HS1BP3: variants seen among roughly 807,000 people sequenced by gnomAD.
The protein encoded by HS1BP3 is HCLS1-binding protein 3.
A neutral mutation model predicts 33.5 loss-of-function variants in HS1BP3; 32 were observed. The observed-to-expected ratio is 0.95, with a 90% CI of 0.72 to 1.28. HS1BP3 has a LOEUF of 1.28. HS1BP3 is among the 50% of genes most tolerant of loss of function. HS1BP3 has a pLI of 0.00. For missense variants in HS1BP3, 486 were observed against 502.3 expected (o/e 0.97, Z 0.31); for synonymous variants, 187 against 209.2 (o/e 0.89, Z 0.92).
intron 6 of HS1BP3, among the ~76,000 whole-genome samples, chr2:20,620,045 C>T (rs1242755965): frequency 6.6e-6 from 1 of 152,216 alleles, no homozygotes; most frequent in Non-Finnish European, 1.5e-5. Flanking sequence ...AGGACCATCC[C>T]TGGGTACTGA....
Position 20,651,035 on chromosome 2 carries a change from G to A in HS1BP3, c.29C>T (p.Ser10Phe). 8.1e-7 allele frequency: 1 copy of A among 1,240,626 alleles called. No individual in the cohort carries two copies. Among genetic ancestry groups the A allele is most frequent in the Non-Finnish European group, 1.0e-6 (1 of 993,108 alleles). The allele number at this position is 1,240,626 out of a possible 1,614,324, so 76.9% of individuals were successfully genotyped here. A position where few individuals can be genotyped will look rare whatever the true frequency, so the allele number is the denominator to read the frequency against. ...GGGGCGCGGGGGTCTGGCTCACCTG[G>A]AGGTGACGAGCACCGCCGGGGACTG... MQSPAVLVT[S>F]RRLQNAHTGL... Residue 10 changes from serine (S) to phenylalanine (F), a missense_variant, in exon 1 of 7, where the codon TCC becomes TTC. Transcript: ENST00000304031.
At chr2:20,568,413 G>C (rs956057470) in intron 5 of HS1BP3, among the ~76,000 whole-genome samples, 13 of 152,170 alleles carry the variant, frequency 8.5e-5, no homozygotes, top group Non-Finnish European at 1.8e-4. Context: ...GAGCCGGGCG[G>C]GTAATGGAGG....
intron 2 of HS1BP3, among the ~76,000 whole-genome samples, chr2:20,602,832 C>T (rs1694100014): frequency 6.6e-6 from 1 of 152,278 alleles, no homozygotes; most frequent in South Asian, 2.1e-4. Flanking sequence ...AATTATATAT[C>T]TGATAAGGTT....
Position 20,638,459 on chromosome 2 carries a change from C to G in HS1BP3, c.600G>C (p.Ala200=). The G allele has an allele frequency of 6.2e-7, 1 of 1,614,202 alleles. No individual in the cohort carries two copies. Among genetic ancestry groups the G allele is most frequent in the Non-Finnish European group, 8.5e-7 (1 of 1,180,018 alleles). The change falls in exon 4 of 7, where the codon GCG becomes GCC. Residue 200 remains alanine, a synonymous_variant. Coordinates refer to ENST00000304031, the MANE Select transcript of HS1BP3 (RefSeq NM_022460.4). The part of the protein sequence containing the change: ...DAEESLEEEE[A]LDPLGIMRSK... ...ACCGCATAATGCCCAGAGGGTCCAG[C>G]GCCTCCTCCTCCTCCAAGGATTCCT... is the stretch of plus-strand genomic sequence containing the variant.
At chr2:20,629,774 G>T (rs4666447) in intron 4 of HS1BP3, among the ~76,000 whole-genome samples, 48,117 of 152,146 alleles carry the variant, frequency 0.32, 8,026 homozygotes, top group East Asian at 0.6. Flanking sequence ...AGACAGACGC[G>T]CAGACCAGGC....
At chr2:20,648,742 C>T (rs1378987038) in intron 1 of HS1BP3, among the ~76,000 whole-genome samples, 1 of 152,234 alleles carries the variant, frequency 6.6e-6, no homozygotes, top group Non-Finnish European at 1.5e-5. Flanking sequence ...CACAGCCAGC[C>T]TCCTTCCAGC....
chr2:20,587,747 A>G (rs941201725), downstream of HS1BP3, among the ~76,000 whole-genome samples: 8 of 152,150 alleles, frequency 5.3e-5, no homozygotes, highest in Non-Finnish European at 7.4e-5. Flanking sequence ...CTCTGTCTCA[A>G]AAAAATAAAA....
chr2:20,599,735 T>C (rs1483929190), intron 2 of HS1BP3, among the ~76,000 whole-genome samples: 1 of 151,982 alleles, frequency 6.6e-6, no homozygotes, highest in African/African-American at 2.4e-5. Flanking sequence ...AACATGTTCT[T>C]CTTTGGAGGT....
At chr2:20,647,190 A>G (rs1695545533) in intron 1 of HS1BP3, among the ~76,000 whole-genome samples, 1 of 152,120 alleles carries the variant, frequency 6.6e-6, no homozygotes, top group Non-Finnish European at 1.5e-5. Flanking sequence ...AGCACCCCAC[A>G]TCCAATGGTT....
At chr2:20,627,184 G>T (rs1694813101) in intron 4 of HS1BP3, among the ~76,000 whole-genome samples, 1 of 152,336 alleles carries the variant, frequency 6.6e-6, no homozygotes, top group South Asian at 2.1e-4. Context: ...GAAGGGTGGA[G>T]AGCCACCCCG....
At chr2:20,567,522 G>T (rs909049475) in intron 5 of HS1BP3, among the ~76,000 whole-genome samples, 1 of 77,474 alleles carries the variant, frequency 1.3e-5, no homozygotes, top group African/African-American at 5.4e-5. Context: ...AAGGCATGTG[G>T]TGCTGGCAGC....
chr2:20,641,247 A>G, intron 2 of HS1BP3, 67 bp from the exon 3 acceptor site: 1 of 1,426,350 alleles, frequency 7.0e-7, no homozygotes, highest in Non-Finnish European at 9.7e-7. Context: ...TCTCACCCCG[A>G]CCAGGGGTTC....
At chr2:20,613,456 G>A (rs916716581), downstream of HS1BP3, among the ~76,000 whole-genome samples, 2 of 152,206 alleles carry the variant, frequency 1.3e-5, no homozygotes, top group Non-Finnish European at 2.9e-5. Context: ...AGACAGTGCT[G>A]GTCCAGCCAG....
chr2:20,572,230 G>T (rs1419394770), intron 5 of HS1BP3, among the ~76,000 whole-genome samples: 1 of 152,198 alleles, frequency 6.6e-6, no homozygotes, highest in East Asian at 1.9e-4. Context: ...TTCTGCTCAG[G>T]CTCTTTCCAG....
rs149966969 is a variant in HS1BP3 at position 20,646,729 on chromosome 2, C to T, written c.33-1224G>A. 5.5e-3 allele frequency among the ~76,000 whole-genome samples: 841 copies of T among 152,368 alleles called. 14 individuals carry two copies. The highest frequency in any genetic ancestry group is 0.019 in the African/African-American group (796 of 41,594). ...ACCGAGTTCACGCAGTGTGCACGCGCGGCCTGGTGTCACCCACGGTGTCAC... is the reference window on the plus strand; with the variant it reads ...ACCGAGTTCACGCAGTGTGCACGCGTGGCCTGGTGTCACCCACGGTGTCAC... On this transcript the variant is annotated intron_variant, in intron 1 of 6. Coordinates refer to ENST00000304031, the MANE Select transcript of HS1BP3 (RefSeq NM_022460.4).
At chr2:20,591,582 G>GT (rs1012739084), downstream of HS1BP3, among the ~76,000 whole-genome samples, 5 of 152,098 alleles carry the variant, frequency 3.3e-5, no homozygotes, top group Non-Finnish European at 7.4e-5. Flanking sequence ...GTGTTTGTTT[G>GT]TTTTTTTGAG....
Position 20,619,267 on chromosome 2 carries a change from C to A in HS1BP3, c.921-22G>T, listed in dbSNP as rs754779023. The A allele has an allele frequency of 7.7e-6, 12 of 1,566,686 alleles. No individual in the cohort carries two copies. The East Asian group carries it at 2.7e-4, about 35-fold the overall frequency. ...AACTCTAGGGAACCACAGGGAGGAA[C>A]CCTGAGCATAACACTGCCACCCCGT... On this transcript the variant is annotated intron_variant, in intron 6 of 6. Transcript: ENST00000304031.
downstream of HS1BP3, among the ~76,000 whole-genome samples, chr2:20,613,426 A>T (rs1280024281): frequency 1.3e-5 from 2 of 152,210 alleles, no homozygotes; most frequent in Non-Finnish European, 2.9e-5. Context: ...CCCAGGACTC[A>T]GCTGCCTATG....
At chr2:20,632,028 C>T (rs1694984651) in intron 4 of HS1BP3, among the ~76,000 whole-genome samples, 1 of 152,220 alleles carries the variant, frequency 6.6e-6, no homozygotes, top group South Asian at 2.1e-4. Context: ...TTCCCCATTT[C>T]CAGTTTAGTA....
Sources: gnomAD v4.1 joint callset for allele counts (sites outside exome capture counted in the v4.1 genomes callset) on GRCh38, gnomAD v4.1.1 for gene constraint, MANE v1.5 for transcripts, NCBI Gene and HGNC (gene_info 2026-07-23, HGNC 2026-07-21) for gene names.